The following ABR variants were observed in gnomAD, a reference collection of about 807,000 sequenced individuals.
ABR encodes ABR activator of RhoGEF and GTPase.
In ABR, 35 loss-of-function variants were observed where a neutral mutation model predicts 107.2. The observed-to-expected ratio is 0.33, with a 90% CI of 0.25 to 0.43. The LOEUF (loss-of-function observed/expected upper bound fraction) is 0.43. Ranked by LOEUF, ABR falls within the 20% of genes least tolerant of loss-of-function variation. ABR has a pLI of 1.00. For synonymous variants in ABR, 498 were observed against 462.0 expected, an observed-to-expected ratio of 1.08 and a Z score of -1.00; for missense variants, 815 against 1,115.2, an observed-to-expected ratio of 0.73 and a Z score of 3.83.
intron 1 of ABR, among the ~76,000 whole-genome samples, chr17:1,197,261 C>G (rs1003820383): frequency 6.6e-6 from 1 of 151,730 alleles, no homozygotes; most frequent in Non-Finnish European, 1.5e-5. Context: ...TGCTGTGGCG[C>G]AGGGAGGGTT....
At chr17:1,176,701 C>G (rs1426669956) in intron 1 of ABR, among the ~76,000 whole-genome samples, 2 of 151,978 alleles carry the variant, frequency 1.3e-5, no homozygotes, top group Non-Finnish European at 2.9e-5. Flanking sequence ...CAAAACTTAG[C>G]TGGGTTGTGG....
At chr17:1,175,272 T>C (rs1484581799) in intron 1 of ABR, among the ~76,000 whole-genome samples, 1 of 151,826 alleles carries the variant, frequency 6.6e-6, no homozygotes, top group African/African-American at 2.4e-5. Context: ...ATTAGCCGGG[T>C]GTGGTGGCGG....
At chr17:1,096,234 G>C (rs753876) in intron 3 of ABR, among the ~76,000 whole-genome samples, 22,016 of 152,186 alleles carry the variant, frequency 0.14, 1,671 homozygotes, top group South Asian at 0.19. Context: ...TCTGTGTGGA[G>C]GCTCGTCTGC....
chr17:1,226,317 T>A (rs1273997609), intron 1 of ABR, among the ~76,000 whole-genome samples: 1 of 152,218 alleles, frequency 6.6e-6, no homozygotes, highest in Admixed American at 6.5e-5. Flanking sequence ...CCTCCCTGTA[T>A]GCTTGAGGGC....
At chr17:1,105,296 T>G (rs1394285482) in intron 2 of ABR, among the ~76,000 whole-genome samples, 1 of 152,054 alleles carries the variant, frequency 6.6e-6, no homozygotes, top group Non-Finnish European at 1.5e-5. Flanking sequence ...CATGAGCCAC[T>G]GCGCCCAAGA....
chr17:1,022,110 A>C (rs868057594), intron 16 of ABR, among the ~76,000 whole-genome samples: 3 of 143,220 alleles, frequency 2.1e-5, no homozygotes, highest in Non-Finnish European at 4.7e-5. Context: ...CTGTCTCAAA[A>C]AAAAAAAAAA....
At chr17:1,161,813 C>T (rs2041307236) in intron 1 of ABR, among the ~76,000 whole-genome samples, 1 of 152,268 alleles carries the variant, frequency 6.6e-6, no homozygotes, top group African/African-American at 2.4e-5. Flanking sequence ...CCTCGACCTC[C>T]CACAGTGCTG....
chr17:1,190,190 C>T (rs1040220355), upstream of ABR, among the ~76,000 whole-genome samples: 3 of 152,334 alleles, frequency 2.0e-5, no homozygotes, highest in East Asian at 5.8e-4. Flanking sequence ...CCTTGTTCAG[C>T]AGCCAGTATT....
chr17:1,024,139 G>T (rs1033037195), intron 16 of ABR, among the ~76,000 whole-genome samples: 1 of 151,974 alleles, frequency 6.6e-6, no homozygotes, highest in African/African-American at 2.4e-5. Context: ...TGCCGGGGAC[G>T]TGAGGGGCTC....
chr17:1,048,516 C>T lies in ABR; in HGVS notation c.1791+1534G>A, dbSNP rs549927137. Among the ~76,000 whole-genome samples the T allele has an allele frequency of 4.4e-3, 645 of 147,334 alleles. 14 individuals are homozygous for T. The highest frequency in any genetic ancestry group is 0.017 in the African/African-American group (625 of 36,904). ...AGCTCCCTGTTGTAGACGGAGCCAT[C>T]GCAGCCTGCGCCTGGATCACCTCTT... On this transcript the variant is annotated intron_variant, in intron 16 of 22. Transcript: ENST00000302538.
In ABR at chr17:1,018,000, C is replaced by G. The variant is rs111405415; in HGVS notation, c.1792-4836G>C. On this transcript the variant is annotated intron_variant, in intron 16 of 22. Transcript: ENST00000302538. Reference sequence around the variant, plus strand: ...CCTCCTGCCTCAGCCTCCTGAAGAGCTGGCATTACAGGCATGTACCACTGT... The same window carrying G: ...CCTCCTGCCTCAGCCTCCTGAAGAGGTGGCATTACAGGCATGTACCACTGT... Among the ~76,000 whole-genome samples the G allele has an allele frequency of 1.8e-3, 271 of 152,166 alleles. 11 individuals are homozygous for G. The highest frequency in any genetic ancestry group is 6.5e-3 in the African/African-American group (268 of 41,432).
rs554703550 is a variant in ABR, at chr17:1,150,490, G to A, written c.62-25123C>T. Among the ~76,000 whole-genome samples the A allele has an allele frequency of 2.6e-5, 4 of 152,270 alleles. No homozygotes were observed. Among genetic ancestry groups the A allele is most frequent in the African/African-American group, 4.8e-5 (2 of 41,572 alleles). Reference sequence around the variant, plus strand: ...GTGGTGGCCAGGAGCTGCAAGCAGCGGCACACGTGTGGGCAATACACAGGT... The same window carrying A: ...GTGGTGGCCAGGAGCTGCAAGCAGCAGCACACGTGTGGGCAATACACAGGT... On this transcript the variant is annotated intron_variant, in intron 1 of 22. Coordinates refer to ENST00000302538, the MANE Select transcript of ABR (RefSeq NM_021962.5). The surrounding 1 kb of genome is among the most constrained non-coding windows in gnomAD (Gnocchi z 4.8).
chr17:1,108,429 C>G (rs1339475495), intron 2 of ABR, among the ~76,000 whole-genome samples: 1 of 152,266 alleles, frequency 6.6e-6, no homozygotes, highest in Non-Finnish European at 1.5e-5. Context: ...GGCACCTGCC[C>G]ACCTGGCTGC....
chr17:1,205,070 T>G (rs2042764484), intron 1 of ABR, among the ~76,000 whole-genome samples: 1 of 151,792 alleles, frequency 6.6e-6, no homozygotes, highest in South Asian at 2.1e-4. Flanking sequence ...CCCGGCTAAT[T>G]TTTGTATTTT....
In ABR at chr17:1,217,226, G is replaced by A. The variant is rs533595156; in HGVS notation, c.838+11567C>T. Among the ~76,000 whole-genome samples the A allele has an allele frequency of 1.4e-4, 22 of 152,256 alleles. No homozygotes were observed. The East Asian group carries it at 3.1e-3, about 21-fold the overall frequency. On this transcript the variant is annotated intron_variant, in intron 1 of 22. Transcript: ENST00000574139. ...GGACCCCAACCCCAGAGCACAGTGC[G>A]GCCGCCTCACCGTCCCCCCCAAGGC...
intron 12 of ABR, among the ~76,000 whole-genome samples, chr17:1,057,689 G>C (rs947530904): frequency 6.9e-6 from 1 of 145,466 alleles, no homozygotes; most frequent in South Asian, 2.1e-4. Context: ...GTGTGTCTCT[G>C]TGTGTGTGTG....
intron 6 of ABR, among the ~76,000 whole-genome samples, chr17:1,074,878 G>A (rs1462837033): frequency 3.3e-5 from 5 of 152,180 alleles, no homozygotes; most frequent in African/African-American, 7.2e-5. Flanking sequence ...CCCGGGAGGC[G>A]GAAGTTGTAG....
intron 1 of ABR, among the ~76,000 whole-genome samples, chr17:1,126,155 G>A (rs1248966486): frequency 6.6e-6 from 1 of 152,224 alleles, no homozygotes; most frequent in Non-Finnish European, 1.5e-5. Context: ...GGGAGGGGAG[G>A]CTGAGCCAGT....
intron 1 of ABR, among the ~76,000 whole-genome samples, chr17:1,159,825 T>C (rs991196710): frequency 6.6e-5 from 10 of 152,108 alleles, no homozygotes; most frequent in African/African-American, 2.2e-4. Flanking sequence ...ATCTTCAGAA[T>C]CCCTTCCACG....
Sources: gnomAD v4.1 joint callset for allele counts (sites outside exome capture counted in the v4.1 genomes callset) on GRCh38, gnomAD v4.1.1 for gene constraint, Gnocchi (gnomAD v3.1) non-coding constraint, MANE v1.5 for transcripts, NCBI Gene and HGNC (gene_info 2026-07-23, HGNC 2026-07-21) for gene names.